The following TRIM47 variants were observed in gnomAD, a reference collection of about 807,000 sequenced individuals.
TRIM47 encodes the protein tripartite motif containing 47, also known as E3 ubiquitin-protein ligase TRIM47.
TRIM47 carries 46 observed loss-of-function variants against 54.4 expected under a neutral mutation model. That is an observed-to-expected ratio of 0.84 (90% CI 0.67 to 1.08). The LOEUF (loss-of-function observed/expected upper bound fraction) is 1.08. Among genes scored for constraint, TRIM47 ranks in the 50% least tolerant of loss-of-function variants. TRIM47 has a pLI of 0.00. For synonymous variants in TRIM47, 392 were observed against 410.2 expected (o/e 0.96, Z 0.54); for missense variants, 825 against 910.1 (o/e 0.91, Z 1.20).
chr17:75,878,052 C>T lies in TRIM47; in HGVS notation c.497G>A (p.Arg166His), dbSNP rs1489529869. 3 of 1,400,096 alleles carry T rather than the reference C, an allele frequency of 2.1e-6. No homozygotes were observed. Among genetic ancestry groups the T allele is most frequent in the Admixed American group, 6.3e-5 (2 of 31,898 alleles). 86.7% of individuals were successfully genotyped at this position (1,400,096 alleles called of 1,614,324 possible). A position where few individuals can be genotyped will look rare whatever the true frequency, so the allele number is the denominator to read the frequency against. ...CAGCGGCGGCACCAGGCGGTGTCCGCGGAGGGCGGGGCTGCGCTCGTGCGG... is the reference window on the plus strand; with the variant it reads ...CAGCGGCGGCACCAGGCGGTGTCCGTGGAGGGCGGGGCTGCGCTCGTGCGG... ...LGPHERSPAL[R>H]GHRLVPPLRR... Residue 166 changes from arginine to histidine, a missense_variant, in exon 1 of 6, where the codon CGC becomes CAC. By Grantham distance (29) the Arg-to-His change is conservative. Transcript: ENST00000254816.
chr17:75,878,256 T>TCCGGGG lies in TRIM47; in HGVS notation c.287_292dup (p.Ala96_Pro97dup), dbSNP rs1260201711. ...GGGCAGCGCGCTGGGTGCCGAGGGC[T>TCCGGGG]CCGGGGCCAGGGCAGGGGCCGGGCC... On this transcript the variant is annotated inframe_insertion, in exon 1 of 6. Coordinates refer to ENST00000254816, the MANE Select transcript of TRIM47 (RefSeq NM_033452.3). 2.7e-5 allele frequency: 33 copies of TCCGGGG among 1,240,424 alleles called. No individual in the cohort carries two copies. Among genetic ancestry groups the TCCGGGG allele is most frequent in the Non-Finnish European group, 3.2e-5 (32 of 992,300 alleles). 76.8% of individuals were successfully genotyped at this position (1,240,424 alleles called of 1,614,324 possible). A position where few individuals can be genotyped will look rare whatever the true frequency, so the allele number is the denominator to read the frequency against.
rs771241633 is a variant in TRIM47, at chr17:75,877,923, T to G, written c.626A>C (p.His209Pro). The G allele has an allele frequency of 2.8e-6, 4 of 1,435,434 alleles. No homozygotes were observed. The South Asian group carries it at 5.6e-5, about 20-fold the overall frequency. The allele number at this position is 1,435,434 out of a possible 1,614,324, so 88.9% of individuals were successfully genotyped here. Residue 209 changes from histidine to proline, a missense_variant, in exon 1 of 6, where the codon CAC (histidine) becomes CCC (proline). Physicochemically the swap from His to Pro is moderately conservative, Grantham distance 77 (BLOSUM62 -2). Transcript: ENST00000254816. ...CAGCGGCACCAGCTCGTGGCCGCGG[T>G]GCTCCTGTGCGGCGCAGGCCTCGCA... ...CLCEACAAQE[H>P]RGHELVPLEQ...
At position 75,874,840 on chromosome 17, in the gene TRIM47, GC is replaced by G. The variant is rs1251458240; in HGVS notation, c.1559del (p.Cys520SerfsTer50). ...AGCTGCGTCCATTCCACTGCAGGCA[GC>G]AGGAGTGGGCGTTGCGGCCCAGCCG... Reference protein sequence around the residue: ...RGRLGRNAHSCCLQWNGRSFS... With the variant: ...RGRLGRNAHSXCLQWNGRSFS... On this transcript the variant is annotated frameshift_variant, in exon 6 of 6. Coordinates refer to ENST00000254816, the MANE Select transcript of TRIM47 (RefSeq NM_033452.3). LOFTEE classifies it high-confidence loss of function. The surrounding 1 kb of genome is among the most constrained non-coding windows in gnomAD (Gnocchi z 6.2). 1 of 1,614,026 alleles carries G rather than the reference GC, an allele frequency of 6.2e-7. No individual in the cohort carries two copies. Among genetic ancestry groups the G allele is most frequent in the Non-Finnish European group, 8.5e-7 (1 of 1,180,032 alleles).
In TRIM47 at chr17:75,874,246, T is replaced by C. The variant is rs575425114; in HGVS notation, c.*237A>G. 5.4e-5 allele frequency: 22 copies of C among 408,892 alleles called. No individual in the cohort carries two copies. Among genetic ancestry groups the C allele is most frequent in the Non-Finnish European group, 9.5e-5 (22 of 231,822 alleles). The allele number at this position is 408,892 out of a possible 1,614,324, so 25.3% of individuals were successfully genotyped here. On this transcript the variant is annotated 3_prime_UTR_variant, in exon 6 of 6. Coordinates refer to ENST00000254816, the MANE Select transcript of TRIM47 (RefSeq NM_033452.3). The surrounding 1 kb of genome is among the most constrained non-coding windows in gnomAD (Gnocchi z 6.2). The stretch of plus-strand genomic sequence containing the variant: ...CTGGGAAAGGAGGGGTTAGGGTAGC[T>C]TGGAGCTGTCCCAGCTGTAGCTCTG...
At chr17:75,876,638 C>A in intron 2 of TRIM47, 80 bp downstream of exon 2, 1 of 1,565,462 alleles carries the variant, frequency 6.4e-7, no homozygotes. Context: ...TGGGCCAGGT[C>A]AGGGGACACT....
At position 75,878,414 on chromosome 17, in the gene TRIM47, G is replaced by T; in HGVS notation, c.135C>A (p.Ala45=). The T allele has an allele frequency of 7.0e-7, 1 of 1,430,194 alleles. No homozygotes were observed. The highest frequency in any genetic ancestry group is 9.2e-7 in the Non-Finnish European group (1 of 1,084,124). The allele number at this position is 1,430,194 out of a possible 1,614,324, so 88.6% of individuals were successfully genotyped here. A position where few individuals can be genotyped will look rare whatever the true frequency, so the allele number is the denominator to read the frequency against. Residue 45 remains alanine (A), a synonymous_variant, in exon 1 of 6, where the codon GCC becomes GCA. Transcript: ENST00000254816. ...ALWPHRGASG[A]GGPGGAARCP... ...AGCGGGCCGCGCCTCCGGGTCCGCC[G>T]GCTCCACTCGCGCCACGATGCGGCC...
At position 75,875,709 on chromosome 17, in the gene TRIM47, C is replaced by T; in HGVS notation, c.1201+192G>A. The T allele has an allele frequency of 1.3e-6, 1 of 751,022 alleles. No homozygotes were observed. Among genetic ancestry groups the T allele is most frequent in the South Asian group, 1.8e-5 (1 of 55,820 alleles). 46.5% of individuals were successfully genotyped at this position (751,022 alleles called of 1,614,324 possible). ...AGCTAGAGGGTGGGCTAGGAGAAGCCCCCTCTACCCCAGGTCCAAGGGGCT... is the reference window on the plus strand; with the variant it reads ...AGCTAGAGGGTGGGCTAGGAGAAGCTCCCTCTACCCCAGGTCCAAGGGGCT... On this transcript the variant is annotated intron_variant, in intron 4 of 5. Coordinates refer to ENST00000254816, the MANE Select transcript of TRIM47 (RefSeq NM_033452.3). The surrounding 1 kb of genome is among the most constrained non-coding windows in gnomAD (Gnocchi z 6.1).
In TRIM47 at chr17:75,877,635, G is replaced by A. The variant is rs900315487; in HGVS notation, c.675+239C>T. The A allele has an allele frequency of 4.1e-6, 5 of 1,215,344 alleles. No homozygotes were observed. The African/African-American group carries it at 4.7e-5, about 11-fold the overall frequency. 75.3% of individuals were successfully genotyped at this position (1,215,344 alleles called of 1,614,324 possible). Reference sequence around the variant, plus strand: ...CCCCATAGACCCCGGCCCGGCTTCAGGTCCCCTGCCCGCTCTTCGCGTCCT... The same window carrying A: ...CCCCATAGACCCCGGCCCGGCTTCAAGTCCCCTGCCCGCTCTTCGCGTCCT... On this transcript the variant is annotated intron_variant, in intron 1 of 5. Transcript: ENST00000254816.
chr17:75,877,971 C>A lies in TRIM47; in HGVS notation c.578G>T (p.Cys193Phe). ...GCACAGACACACGCGCTCCGCGCGGCAGTAGCGCTCGAGCGGCCGTAGGTG... is the reference window on the plus strand; with the variant it reads ...GCACAGACACACGCGCTCCGCGCGGAAGTAGCGCTCGAGCGGCCGTAGGTG... ...PRHLRPLERYCRAERVCLCEA... is the reference protein window; with the variant it reads ...PRHLRPLERYFRAERVCLCEA... The change falls in exon 1 of 6, where the codon TGC becomes TTC. Residue 193 changes from cysteine (C) to phenylalanine (F), a missense_variant. Coordinates refer to ENST00000254816, the MANE Select transcript of TRIM47 (RefSeq NM_033452.3). 1 of 1,460,664 alleles carries A rather than the reference C, an allele frequency of 6.8e-7. No individual in the cohort carries two copies. Among genetic ancestry groups the A allele is most frequent in the Non-Finnish European group, 9.0e-7 (1 of 1,110,134 alleles). The allele number at this position is 1,460,664 out of a possible 1,614,324, so 90.5% of individuals were successfully genotyped here. A position where few individuals can be genotyped will look rare whatever the true frequency, so the allele number is the denominator to read the frequency against.
At position 75,875,529 on chromosome 17, in the gene TRIM47, T is replaced by C; in HGVS notation, c.1202-55A>G. ...CCCCCAGACTGCCCCCCTCTGAACC[T>C]GTGACTACAATCCCTACCCCCTTCA... On this transcript the variant is annotated intron_variant, in intron 4 of 5. Transcript: ENST00000254816. The surrounding 1 kb of genome is among the most constrained non-coding windows in gnomAD (Gnocchi z 6.1). The C allele has an allele frequency of 6.7e-7, 1 of 1,487,982 alleles. No individual in the cohort carries two copies. Among genetic ancestry groups the C allele is most frequent in the African/African-American group, 1.4e-5 (1 of 72,376 alleles). 92.2% of individuals were successfully genotyped at this position (1,487,982 alleles called of 1,614,324 possible). A position where few individuals can be genotyped will look rare whatever the true frequency, so the allele number is the denominator to read the frequency against.
intron 1 of TRIM47, chr17:75,877,051 T>C (rs894820459): frequency 2.1e-5 from 12 of 562,924 alleles, no homozygotes; most frequent in African/African-American, 1.7e-4. Flanking sequence ...CTCGGGTCTC[T>C]GACAGGAGGC....
rs1229075798 is a variant in TRIM47 at position 75,876,499 on chromosome 17, A to G, written c.772-7T>C. Reference sequence around the variant, plus strand: ...GCTCTGCTACGGCTGCACTCTGCACAGGACGACAGTAGAGGGGGCAATGAG... The same window carrying G: ...GCTCTGCTACGGCTGCACTCTGCACGGGACGACAGTAGAGGGGGCAATGAG... On this transcript the variant is annotated splice_region_variant and splice_polypyrimidine_tract_variant and intron_variant, in intron 2 of 5. Transcript: ENST00000254816. 1.3e-6 allele frequency: 2 copies of G among 1,594,192 alleles called. No homozygotes were observed. Among genetic ancestry groups the G allele is most frequent in the Admixed American group, 3.4e-5 (2 of 58,478 alleles).
At chr17:75,877,753 T>C in intron 1 of TRIM47, 121 bp downstream of exon 1, 1 of 1,244,764 alleles carries the variant, frequency 8.0e-7, no homozygotes, top group Non-Finnish European at 1.0e-6. Context: ...GCAAAGATCC[T>C]CAGGTTAGAG....
Position 75,874,428 on chromosome 17 carries a change from C to G in TRIM47, c.*55G>C, listed in dbSNP as rs765104346. Reference sequence around the variant, plus strand: ...GCCTTCCCAGACGAAGGAGAGGGCCCAGAGGAGGCAGCTTCCTGGAGCAGA... The same window carrying G: ...GCCTTCCCAGACGAAGGAGAGGGCCGAGAGGAGGCAGCTTCCTGGAGCAGA... On this transcript the variant is annotated 3_prime_UTR_variant, in exon 6 of 6. Coordinates refer to ENST00000254816, the MANE Select transcript of TRIM47 (RefSeq NM_033452.3). This position sits in a 1 kb window ranked among gnomAD's most constrained non-coding sequence, Gnocchi z 6.2. 3.1e-5 allele frequency: 46 copies of G among 1,474,186 alleles called. No homozygotes were observed. Among genetic ancestry groups the G allele is most frequent in the Non-Finnish European group, 3.8e-5 (42 of 1,110,660 alleles). The allele number at this position is 1,474,186 out of a possible 1,614,324, so 91.3% of individuals were successfully genotyped here.
rs1482239492 is a variant in TRIM47, at chr17:75,878,058, G to T, written c.491C>A (p.Ala164Asp). 1.5e-6 allele frequency: 2 copies of T among 1,374,740 alleles called. No homozygotes were observed. Among genetic ancestry groups the T allele is most frequent in the Non-Finnish European group, 9.4e-7 (1 of 1,068,542 alleles). The allele number at this position is 1,374,740 out of a possible 1,614,324, so 85.2% of individuals were successfully genotyped here. Reference sequence around the variant, plus strand: ...CGGCACCAGGCGGTGTCCGCGGAGGGCGGGGCTGCGCTCGTGCGGGCCCAG... The same window carrying T: ...CGGCACCAGGCGGTGTCCGCGGAGGTCGGGGCTGCGCTCGTGCGGGCCCAG... ...AHLGPHERSP[A>D]LRGHRLVPPL... Residue 164 changes from alanine to aspartate, a missense_variant, in exon 1 of 6, where the codon GCC becomes GAC. By Grantham distance (126) the Ala-to-Asp change is moderately radical. Coordinates refer to ENST00000254816, the MANE Select transcript of TRIM47 (RefSeq NM_033452.3).
At chr17:75,877,783 C>A in intron 1 of TRIM47, 91 bp downstream of exon 1, 1 of 1,265,324 alleles carries the variant, frequency 7.9e-7, no homozygotes, top group Non-Finnish European at 1.0e-6. Context: ...AAGACCCAAC[C>A]CGGGAAGACT....
rs1451660596 is a variant in TRIM47, at chr17:75,876,058, G to A, written c.1044C>T (p.Gly348=). Residue 348 remains glycine (G), a synonymous_variant, in exon 4 of 6, where the codon GGC becomes GGT. Transcript: ENST00000254816. ...ALRLALEDGC[G]PGPGPPRELS... ...GCTCCCTCGGGGGTCCAGGCCCAGG[G>A]CCACACCCATCCTCCAGGGCCAGCC... is the stretch of plus-strand genomic sequence containing the variant. 1.2e-6 allele frequency: 2 copies of A among 1,602,134 alleles called. No individual in the cohort carries two copies. Among genetic ancestry groups the A allele is most frequent in the Non-Finnish European group, 8.5e-7 (1 of 1,179,970 alleles).
At position 75,877,645 on chromosome 17, in the gene TRIM47, C is replaced by A. The variant is rs187197220; in HGVS notation, c.675+229G>T. 3 of 1,222,824 alleles carry A rather than the reference C, an allele frequency of 2.5e-6. No individual in the cohort carries two copies. In the East Asian group the frequency reaches 9.6e-5, roughly 39 times the overall value. 75.7% of individuals were successfully genotyped at this position (1,222,824 alleles called of 1,614,324 possible). Reference sequence around the variant, plus strand: ...CCCGGCCCGGCTTCAGGTCCCCTGCCCGCTCTTCGCGTCCTTGTCCTGTTC... The same window carrying A: ...CCCGGCCCGGCTTCAGGTCCCCTGCACGCTCTTCGCGTCCTTGTCCTGTTC... On this transcript the variant is annotated intron_variant, in intron 1 of 5. Coordinates refer to ENST00000254816, the MANE Select transcript of TRIM47 (RefSeq NM_033452.3).
Sources: gnomAD v4.1 joint callset for allele counts on GRCh38, gnomAD v4.1.1 for gene constraint, Gnocchi (gnomAD v3.1) non-coding constraint, MANE v1.5 for transcripts, NCBI Gene and HGNC (gene_info 2026-07-23, HGNC 2026-07-21) for gene names.